ITSN2: variants seen among roughly 807,000 people sequenced by gnomAD.
ITSN2 encodes the protein intersectin 2, also known as intersectin-2.
A neutral mutation model predicts 243.7 loss-of-function variants in ITSN2; 156 were observed. That is an observed-to-expected ratio of 0.64 (90% CI 0.56 to 0.73). The LOEUF is 0.73. Ranked by LOEUF, ITSN2 falls within the 30% of genes least tolerant of loss-of-function variation. ITSN2 has a pLI of 0.00. For synonymous variants in ITSN2, 703 were observed against 699.9 expected, an observed-to-expected ratio of 1.00 and a Z score of -0.07; for missense variants, 1,801 against 1,996.1, an observed-to-expected ratio of 0.90 and a Z score of 1.86.
At chr2:24,336,868 T>C (rs1417647905) in intron 1 of ITSN2, among the ~76,000 whole-genome samples, 1 of 152,094 alleles carries the variant, frequency 6.6e-6, no homozygotes, top group Admixed American at 6.6e-5. Context: ...AAACATTTGC[T>C]GAACAAATGA....
chr2:24,354,881 C>T (rs1688311155), intron 1 of ITSN2, among the ~76,000 whole-genome samples: 1 of 152,222 alleles, frequency 6.6e-6, no homozygotes, highest in South Asian at 2.1e-4. Flanking sequence ...CCATAATCCA[C>T]TGCTGAATAG....
chr2:24,222,999 C>A (rs902859016), intron 29 of ITSN2, among the ~76,000 whole-genome samples: 1 of 152,096 alleles, frequency 6.6e-6, no homozygotes, highest in Non-Finnish European at 1.5e-5. Flanking sequence ...AAATAAATAT[C>A]ACTTTCTTTT....
At chr2:24,207,980 G>A (rs1669079607) in intron 37 of ITSN2, among the ~76,000 whole-genome samples, 1 of 151,926 alleles carries the variant, frequency 6.6e-6, no homozygotes, top group South Asian at 2.1e-4. Context: ...TGGAGAAGGT[G>A]CAGTGGAGTG....
At chr2:24,245,626 G>A (rs1251740919) in intron 29 of ITSN2, among the ~76,000 whole-genome samples, 1 of 151,946 alleles carries the variant, frequency 6.6e-6, no homozygotes, top group Non-Finnish European at 1.5e-5. Context: ...CTACAAGCAC[G>A]TGCCACCACA....
chr2:24,235,646 A>C (rs1275555648), intron 29 of ITSN2, among the ~76,000 whole-genome samples: 2 of 152,218 alleles, frequency 1.3e-5, no homozygotes, highest in African/African-American at 4.8e-5. Flanking sequence ...TACTCTAAAA[A>C]ATGAAGTCTT....
intron 9 of ITSN2, among the ~76,000 whole-genome samples, chr2:24,302,645 G>A (rs1411951285): frequency 3.3e-5 from 5 of 152,082 alleles, no homozygotes; most frequent in African/African-American, 4.8e-5. Flanking sequence ...ATTTTTTACC[G>A]TTGATTTTCA....
chr2:24,233,304 G>C (rs112818318), intron 29 of ITSN2, among the ~76,000 whole-genome samples: 1 of 151,998 alleles, frequency 6.6e-6, no homozygotes, highest in Non-Finnish European at 1.5e-5. Context: ...CTGAGTTTAG[G>C]ACACACAAAT....
In ITSN2 at chr2:24,209,110, T is replaced by A. The variant is rs1219304177; in HGVS notation, c.4585A>T (p.Ile1529Phe). ...ATGGTCAGGACTGACCTCTCATTAA[T>A]GTTGTCTGTTCGGAGGGTGTAGACC... Reference protein sequence around the residue: ...DRVYTLRTDNINERTAWVQKI... With the variant: ...DRVYTLRTDNFNERTAWVQKI... The change falls in exon 36 of 40, where the codon ATT becomes TTT. Residue 1529 changes from isoleucine to phenylalanine, a missense_variant. Ile to Phe is a conservative substitution (Grantham distance 21). Around this residue, in one of 5 missense-constraint regions of ITSN2, gnomAD observed 928 missense variants for 1,065.4 expected, o/e 0.87. Coordinates refer to ENST00000355123, the MANE Select transcript of ITSN2 (RefSeq NM_006277.3). 1 of 1,614,042 alleles carries A rather than the reference T, an allele frequency of 6.2e-7. No homozygotes were observed. Among genetic ancestry groups the A allele is most frequent in the East Asian group, 2.2e-5 (1 of 44,884 alleles).
intron 1 of ITSN2, among the ~76,000 whole-genome samples, chr2:24,357,762 TGTAAC>T (rs1309802238): frequency 6.6e-6 from 1 of 152,194 alleles, no homozygotes; most frequent in Non-Finnish European, 1.5e-5. Context: ...TTTTTGGTAA[TGTAAC>T]TCGTTTATTC....
chr2:24,264,376 G>A (rs1380362204), intron 20 of ITSN2, among the ~76,000 whole-genome samples: 11 of 147,734 alleles, frequency 7.4e-5, no homozygotes, highest in African/African-American at 7.5e-5. Flanking sequence ...CAACAAGAGC[G>A]AAACTCTGTC....
Position 24,225,352 on chromosome 2 carries a change from T to C in ITSN2, c.3578-4286A>G, listed in dbSNP as rs1297321736. ...AGGGGTTTACACCCATGGCCAACTC[T>C]CGCTAGCTTTCCCTGTCACATCTCC... is the stretch of plus-strand genomic sequence containing the variant. On this transcript the variant is annotated intron_variant, in intron 29 of 39. Transcript: ENST00000355123. The surrounding 1 kb of genome is among the most constrained non-coding windows in gnomAD (Gnocchi z 4.2). Among the ~76,000 whole-genome samples the C allele has an allele frequency of 1.3e-5, 2 of 152,180 alleles. No individual in the cohort carries two copies. Among genetic ancestry groups the C allele is most frequent in the Non-Finnish European group, 2.9e-5 (2 of 68,036 alleles).
chr2:24,347,666 A>G (rs1326280773), intron 1 of ITSN2, among the ~76,000 whole-genome samples: 3 of 152,198 alleles, frequency 2.0e-5, no homozygotes, highest in African/African-American at 7.2e-5. Flanking sequence ...ACCCTGAGCA[A>G]TAAGAGCGAA....
intron 23 of ITSN2, 84 bp downstream of exon 23, chr2:24,257,804 A>G: frequency 4.6e-6 from 5 of 1,078,504 alleles, no homozygotes; most frequent in Non-Finnish European, 7.1e-6. Flanking sequence ...TTGTTATTTT[A>G]TTATACACTC....
chr2:24,320,525 CAAAAAAAAAAAAAAAAAAAAAAA>C (rs113637557), intron 2 of ITSN2, among the ~76,000 whole-genome samples: 1 of 41,524 alleles, frequency 2.4e-5, no homozygotes, highest in Non-Finnish European at 4.1e-5. Context: ...GACTCCGTCT[CAAAAAAAAAAAAAAAAAAAAAAA>C]AAAAAAAAAA....
At chr2:24,318,746 G>C (rs1684215037) in intron 2 of ITSN2, among the ~76,000 whole-genome samples, 1 of 152,110 alleles carries the variant, frequency 6.6e-6, no homozygotes, top group Non-Finnish European at 1.5e-5. Context: ...AGGCAGGCTT[G>C]GTTCATAAAC....
At chr2:24,213,591 A>G (rs538217632) in intron 32 of ITSN2, among the ~76,000 whole-genome samples, 2 of 152,226 alleles carry the variant, frequency 1.3e-5, no homozygotes, top group Non-Finnish European at 2.9e-5. Flanking sequence ...GTAACATTTT[A>G]GAACACAGCT....
intron 1 of ITSN2, among the ~76,000 whole-genome samples, chr2:24,338,094 T>C (rs1686657035): frequency 6.6e-6 from 1 of 152,194 alleles, no homozygotes; most frequent in African/African-American, 2.4e-5. Context: ...AAACCCTCAC[T>C]GGCCTTAACA....
chr2:24,275,669 A>G, intron 18 of ITSN2, 44 bp downstream of exon 18: 1 of 1,504,274 alleles, frequency 6.6e-7, no homozygotes, highest in South Asian at 1.2e-5. Context: ...CAAAATTACA[A>G]TTCTAATGGC....
chr2:24,360,713 G>C (rs1688907270), upstream of ITSN2: 1 of 152,654 alleles, frequency 6.6e-6, no homozygotes, highest in African/African-American at 2.4e-5. Flanking sequence ...CGGGTCCGAA[G>C]CGCTCCTCTC....
Sources: gnomAD v4.1 joint callset for allele counts (sites outside exome capture counted in the v4.1 genomes callset) on GRCh38, gnomAD v4.1.1 for gene constraint, gnomAD v4.1.1 regional missense constraint, Gnocchi (gnomAD v3.1) non-coding constraint, MANE v1.5 for transcripts, NCBI Gene and HGNC (gene_info 2026-07-23, HGNC 2026-07-21) for gene names.